SPATA16: variants seen among roughly 807,000 people sequenced by gnomAD.
SPATA16 encodes the protein spermatogenesis-associated protein 16.
In SPATA16, 36 loss-of-function variants were observed where a neutral mutation model predicts 63.3. The observed-to-expected ratio is 0.57, with a 90% CI of 0.44 to 0.75. The LOEUF (loss-of-function observed/expected upper bound fraction) is 0.75. SPATA16 is among the 30% of genes least tolerant of loss of function. SPATA16 has a pLI of 0.00. For missense variants in SPATA16, 646 were observed against 679.3 expected (o/e 0.95, Z 0.54); for synonymous variants, 203 against 216.7 (o/e 0.94, Z 0.56).
intron 4 of SPATA16, among the ~76,000 whole-genome samples, chr3:173,002,079 TATTC>T (rs1272514176): frequency 5.9e-5 from 9 of 152,224 alleles, no homozygotes. Context: ...GATGCATAGA[TATTC>T]ATTTAATTCT....
At chr3:172,900,583 C>CT (rs1018446355) in intron 10 of SPATA16, among the ~76,000 whole-genome samples, 4 of 151,414 alleles carry the variant, frequency 2.6e-5, no homozygotes, top group Non-Finnish European at 4.4e-5. Context: ...ATCCCAGAGC[C>CT]TTTTTTTTAC....
intron 2 of SPATA16, among the ~76,000 whole-genome samples, chr3:173,065,984 G>A (rs1197297908): frequency 6.6e-6 from 1 of 152,310 alleles, no homozygotes; most frequent in South Asian, 2.1e-4. Context: ...TACTTGGGGT[G>A]CATGCAGCTA....
chr3:173,137,225 ATC>A (rs1320554857), intron 1 of SPATA16, among the ~76,000 whole-genome samples: 1 of 152,216 alleles, frequency 6.6e-6, no homozygotes, highest in Non-Finnish European at 1.5e-5. Flanking sequence ...GAAGAGATGA[ATC>A]AGGCTCTGAG....
chr3:173,025,403 T>C (rs560906471), intron 3 of SPATA16, among the ~76,000 whole-genome samples: 19 of 152,056 alleles, frequency 1.2e-4, no homozygotes, highest in African/African-American at 4.3e-4. Flanking sequence ...TATATTCATG[T>C]TCTATAATAC....
intron 10 of SPATA16, among the ~76,000 whole-genome samples, chr3:172,890,776 A>T (rs1731878854): frequency 6.6e-6 from 1 of 151,730 alleles, no homozygotes; most frequent in South Asian, 2.1e-4. Flanking sequence ...AAACAAGATA[A>T]ATTATTTATA....
At chr3:173,023,137 ATGTGTGTGTGTG>A (rs11282206) in intron 3 of SPATA16, among the ~76,000 whole-genome samples, 85 of 139,958 alleles carry the variant, frequency 6.1e-4, no homozygotes, top group Non-Finnish European at 1.0e-3. Flanking sequence ...ATGCTTGTGT[ATGTGTGTGTGTG>A]TGTGTGTGTG....
chr3:172,971,329 T>G (rs1734043127), intron 5 of SPATA16, among the ~76,000 whole-genome samples: 1 of 152,220 alleles, frequency 6.6e-6, no homozygotes. Context: ...TTTTTAAAAT[T>G]GTAAAACAAC....
chr3:173,077,071 T>C (rs1277086548), intron 2 of SPATA16, among the ~76,000 whole-genome samples: 1 of 152,186 alleles, frequency 6.6e-6, no homozygotes, highest in Non-Finnish European at 1.5e-5. Flanking sequence ...GGGTGGCCAG[T>C]CTCCCATATT....
intron 2 of SPATA16, among the ~76,000 whole-genome samples, chr3:173,053,173 T>A (rs994720759): frequency 6.6e-6 from 1 of 152,134 alleles, no homozygotes; most frequent in Non-Finnish European, 1.5e-5. Flanking sequence ...CTGGCCAACA[T>A]GGCGAAACCC....
intron 3 of SPATA16, among the ~76,000 whole-genome samples, chr3:173,031,090 G>A (rs1267184203): frequency 6.6e-6 from 1 of 151,976 alleles, no homozygotes; most frequent in Admixed American, 6.6e-5. Context: ...AGGGGAACAG[G>A]GATTTGTTAT....
At chr3:172,913,457 C>A (rs928150650) in intron 10 of SPATA16, among the ~76,000 whole-genome samples, 1 of 151,888 alleles carries the variant, frequency 6.6e-6, no homozygotes, top group South Asian at 2.1e-4. Flanking sequence ...ATGAACACAG[C>A]CTGTTGGAAA....
intron 2 of SPATA16, among the ~76,000 whole-genome samples, chr3:173,067,900 A>G (rs528053862): frequency 6.6e-6 from 1 of 152,362 alleles, no homozygotes; most frequent in East Asian, 1.9e-4. Flanking sequence ...GAATTGTGAT[A>G]TGCCTAGCAG....
intron 4 of SPATA16, among the ~76,000 whole-genome samples, chr3:172,981,739 T>C (rs1734324489): frequency 6.6e-6 from 1 of 152,226 alleles, no homozygotes; most frequent in African/African-American, 2.4e-5. Flanking sequence ...ATTTTGTTTG[T>C]ATTAGTTTTG....
At chr3:172,990,251 A>G (rs915374314) in intron 4 of SPATA16, among the ~76,000 whole-genome samples, 1 of 152,194 alleles carries the variant, frequency 6.6e-6, no homozygotes, top group African/African-American at 2.4e-5. Context: ...AGTTTTGCTC[A>G]TTGCCATCTA....
At chr3:172,977,722 C>G (rs1479608677) in intron 4 of SPATA16, among the ~76,000 whole-genome samples, 1 of 152,066 alleles carries the variant, frequency 6.6e-6, no homozygotes, top group South Asian at 2.1e-4. Context: ...ATGACTATTT[C>G]TCTGCTAGGT....
At chr3:172,890,982 G>A (rs1731883572) in intron 10 of SPATA16, among the ~76,000 whole-genome samples, 1 of 147,842 alleles carries the variant, frequency 6.8e-6, no homozygotes, top group African/African-American at 2.5e-5. Flanking sequence ...TATAATATGT[G>A]TATATATATA....
At chr3:172,957,173 GACATTGGTGAGCAA>G (rs1733617275) in intron 5 of SPATA16, among the ~76,000 whole-genome samples, 1 of 152,118 alleles carries the variant, frequency 6.6e-6, no homozygotes, top group African/African-American at 2.4e-5. Flanking sequence ...CTCTTGAGCA[GACATTGGTGAGCAA>G]TTTGTATATG....
chr3:172,965,867 C>T (rs551005907), intron 5 of SPATA16, among the ~76,000 whole-genome samples: 32 of 152,160 alleles, frequency 2.1e-4, no homozygotes, highest in Non-Finnish European at 3.4e-4. Flanking sequence ...TGAGCCACTG[C>T]GCCCGGCCTT....
intron 2 of SPATA16, among the ~76,000 whole-genome samples, chr3:173,084,751 C>T (rs1435773026): frequency 6.6e-6 from 1 of 152,138 alleles, no homozygotes; most frequent in African/African-American, 2.4e-5. Flanking sequence ...AGCCAGTTCT[C>T]CCAGCATCAT....
Sources: allele counts gnomAD v4.1 joint callset (sites outside exome capture counted in the v4.1 genomes callset), GRCh38; gene constraint gnomAD v4.1.1; transcripts MANE v1.5; gene names NCBI Gene and HGNC (gene_info 2026-07-23, HGNC 2026-07-21).